Variants in ARHGAP40 observed in about 807,000 individuals in gnomAD.
ARHGAP40 encodes the protein Rho GTPase activating protein 40.
A neutral mutation model predicts 73.5 loss-of-function variants in ARHGAP40; 43 were observed. That is an observed-to-expected ratio of 0.58 (90% CI 0.46 to 0.75). The LOEUF (loss-of-function observed/expected upper bound fraction) is 0.75. Among genes scored for constraint, ARHGAP40 ranks in the 30% least tolerant of loss-of-function variants. The probability of loss-of-function intolerance (pLI) is 0.00; values close to 1 mark genes in which losing one functional copy is unlikely to be tolerated. For missense variants in ARHGAP40, 734 were observed against 861.8 expected, an observed-to-expected ratio of 0.85 and a Z score of 1.86; for synonymous variants, 300 against 352.8, an observed-to-expected ratio of 0.85 and a Z score of 1.68.
chr20:38,646,299 C>T lies in ARHGAP40; in HGVS notation c.1710+112C>T. Reference sequence around the variant, plus strand: ...CCCGCTACCGGGCTGCCAGCAACGGCCCAGTGAGGCCACCAGGGGGCGTTG... The same window carrying T: ...CCCGCTACCGGGCTGCCAGCAACGGTCCAGTGAGGCCACCAGGGGGCGTTG... On this transcript the variant is annotated intron_variant, in intron 12 of 14. Coordinates refer to ENST00000373345, the Ensembl canonical transcript of ARHGAP40. The surrounding 1 kb of genome is among the most constrained non-coding windows in gnomAD (Gnocchi z 4.5). The T allele has an allele frequency of 8.8e-7, 1 of 1,130,718 alleles. No individual in the cohort carries two copies. The highest frequency in any genetic ancestry group is 1.1e-6 in the Non-Finnish European group (1 of 894,728). The allele number at this position is 1,130,718 out of a possible 1,614,324, so 70.0% of individuals were successfully genotyped here.
intron 1 of ARHGAP40, among the ~76,000 whole-genome samples, chr20:38,611,000 C>G (rs777414016): frequency 2.6e-5 from 4 of 151,710 alleles, no homozygotes; most frequent in Non-Finnish European, 4.4e-5. Context: ...AGCGATTCTC[C>G]TGCCTCAGCC....
chr20:38,647,453 C>T (rs949245435), intron 13 of ARHGAP40, among the ~76,000 whole-genome samples: 2 of 152,228 alleles, frequency 1.3e-5, no homozygotes, highest in Non-Finnish European at 1.5e-5. Flanking sequence ...TGCAGTGGCT[C>T]GATCTTGGCT....
Position 38,637,472 on chromosome 20 carries a change from T to C in ARHGAP40, c.950-236T>C, listed in dbSNP as rs1030774769. 5.3e-5 allele frequency among the ~76,000 whole-genome samples: 8 copies of C among 152,132 alleles called. No homozygotes were observed. The South Asian group carries it at 1.4e-3, about 28-fold the overall frequency. On this transcript the variant is annotated intron_variant, in intron 6 of 14. Coordinates refer to ENST00000373345, the Ensembl canonical transcript of ARHGAP40. ...CCCTTTCAATACTTCTTTAACCAGC[T>C]AAGATTTTCTGCTCTGAGACATATC...
chr20:38,615,356 A>G (rs2088829464), intron 1 of ARHGAP40: 1 of 762,150 alleles, frequency 1.3e-6, no homozygotes, highest in African/African-American at 1.7e-5. Context: ...TTCCACTGGT[A>G]AACCAGGGTT....
In ARHGAP40 at chr20:38,609,526, G is replaced by C. The variant is rs140116764; in HGVS notation, c.137+7447G>C. ...TACAATAATAAAAAGAATGTCTCTG[G>C]TCTCAAAGAGATCCCAGACTAAAGG... is the stretch of plus-strand genomic sequence containing the variant. On this transcript the variant is annotated intron_variant, in intron 1 of 14. Coordinates refer to ENST00000373345, the Ensembl canonical transcript of ARHGAP40. Among the ~76,000 whole-genome samples the C allele has an allele frequency of 2.6e-3, 399 of 152,278 alleles. 3 individuals carry two copies. The highest frequency in any genetic ancestry group is 9.0e-3 in the African/African-American group (375 of 41,550).
intron 1 of ARHGAP40, among the ~76,000 whole-genome samples, chr20:38,616,595 C>T (rs930398872): frequency 1.3e-5 from 2 of 152,222 alleles, no homozygotes; most frequent in African/African-American, 4.8e-5. Context: ...CTTCCTGGGG[C>T]CAAATGCAGT....
chr20:38,623,452 G>A (rs1397800351), exon 2 of ARHGAP40: 1 of 1,290,840 alleles, frequency 7.7e-7, no homozygotes, highest in African/African-American at 1.5e-5. Context: ...CCACTGGAGT[G>A]GAGAGCTCCA....
chr20:38,624,370 G>T (rs1324317617), intron 2 of ARHGAP40, among the ~76,000 whole-genome samples: 1 of 152,162 alleles, frequency 6.6e-6, no homozygotes, highest in Non-Finnish European at 1.5e-5. Flanking sequence ...AGCTTTAGAA[G>T]AAAGACAACA....
intron 3 of ARHGAP40, among the ~76,000 whole-genome samples, chr20:38,628,608 C>T (rs757807582): frequency 2.6e-5 from 4 of 152,176 alleles, no homozygotes; most frequent in Non-Finnish European, 4.4e-5. Flanking sequence ...CCGGCTGGCA[C>T]AAAATACTTT....
rs893621240 is a variant in ARHGAP40, at chr20:38,601,822, G to C, written c.-121G>C. The C allele has an allele frequency of 6.0e-6, 7 of 1,174,302 alleles. No individual in the cohort carries two copies. In the Admixed American group the frequency reaches 1.7e-4, roughly 29 times the overall value. 72.7% of individuals were successfully genotyped at this position (1,174,302 alleles called of 1,614,324 possible). On this transcript the variant is annotated 5_prime_UTR_variant, in exon 1 of 15. Coordinates refer to ENST00000373345, the Ensembl canonical transcript of ARHGAP40. ...AGGCTGAACATTAGTCCTGCATGAG[G>C]GTGTCTGGGAACTGGGTGCGCCACG...
exon 8 of ARHGAP40, chr20:38,638,816 C>T (rs574729683): frequency 1.5e-6 from 2 of 1,305,406 alleles, no homozygotes; most frequent in East Asian, 1.1e-4. Context: ...CTCAGGGTGC[C>T]CGGATCCCAG....
At chr20:38,623,146 C>T (rs1480166939) in intron 1 of ARHGAP40, among the ~76,000 whole-genome samples, 6 of 152,206 alleles carry the variant, frequency 3.9e-5, no homozygotes, top group African/African-American at 1.4e-4. Context: ...TCTGGCCCTG[C>T]TCTGTCCCCT....
At chr20:38,619,970 G>A (rs2145599835) in intron 1 of ARHGAP40, among the ~76,000 whole-genome samples, 1 of 152,232 alleles carries the variant, frequency 6.6e-6, no homozygotes, top group African/African-American at 2.4e-5. Flanking sequence ...TACTTGGGGG[G>A]CTGAGGTGGG....
intron 1 of ARHGAP40, among the ~76,000 whole-genome samples, chr20:38,611,002 G>A (rs1485987949): frequency 6.6e-6 from 1 of 150,390 alleles, no homozygotes; most frequent in Non-Finnish European, 1.5e-5. Context: ...CGATTCTCCT[G>A]CCTCAGCCTT....
intron 1 of ARHGAP40, among the ~76,000 whole-genome samples, chr20:38,620,655 T>C (rs1372288605): frequency 1.3e-5 from 2 of 152,166 alleles, no homozygotes; most frequent in Non-Finnish European, 2.9e-5. Flanking sequence ...TTGAAAAGCA[T>C]AAATAGAGCA....
chr20:38,643,460 CATT>C (rs2089031887), intron 10 of ARHGAP40, among the ~76,000 whole-genome samples: 1 of 152,202 alleles, frequency 6.6e-6, no homozygotes, highest in African/African-American at 2.4e-5. Flanking sequence ...CCAGTTGTCT[CATT>C]AGTCTCTGAG....
chr20:38,643,152 AAAAAAAC>A (rs1157323338), intron 10 of ARHGAP40, among the ~76,000 whole-genome samples: 2 of 152,012 alleles, frequency 1.3e-5, no homozygotes, highest in South Asian at 2.1e-4. Flanking sequence ...ACTCAAAAAA[AAAAAAAC>A]AAAAAACAAA....
intron 1 of ARHGAP40, among the ~76,000 whole-genome samples, chr20:38,618,372 G>A (rs1297911262): frequency 6.6e-6 from 1 of 152,194 alleles, no homozygotes; most frequent in Non-Finnish European, 1.5e-5. Context: ...CTCCCAAAGT[G>A]CTGGGATTAC....
chr20:38,629,856 G>C (rs1333262225), intron 5 of ARHGAP40, among the ~76,000 whole-genome samples: 1 of 152,200 alleles, frequency 6.6e-6, no homozygotes, highest in Non-Finnish European at 1.5e-5. Context: ...TAACAGTCCT[G>C]TCAGTATTGT....
Sources: gnomAD v4.1 joint callset for allele counts (sites outside exome capture counted in the v4.1 genomes callset) on GRCh38, gnomAD v4.1.1 for gene constraint, Gnocchi (gnomAD v3.1) non-coding constraint, MANE v1.5 for transcripts, NCBI Gene and HGNC (gene_info 2026-07-23, HGNC 2026-07-21) for gene names.